The following GRIA1 variants were observed in gnomAD, a reference collection of about 807,000 sequenced individuals.
GRIA1 encodes the protein glutamate receptor 1.
GRIA1 carries 31 observed loss-of-function variants against 99.2 expected under a neutral mutation model. The observed-to-expected ratio is 0.31, with a 90% CI of 0.23 to 0.42. GRIA1 has a LOEUF of 0.42. GRIA1 is among the 10% of genes least tolerant of loss of function. The probability of loss-of-function intolerance (pLI) is 1.00; values close to 1 mark genes in which losing one functional copy is unlikely to be tolerated. For synonymous variants in GRIA1, 438 were observed against 432.4 expected, an observed-to-expected ratio of 1.01 and a Z score of -0.16; for missense variants, 782 against 1,157.5, an observed-to-expected ratio of 0.68 and a Z score of 4.71.
intron 2 of GRIA1, among the ~76,000 whole-genome samples, chr5:153,569,905 G>A (rs1390088019): frequency 1.3e-5 from 2 of 152,178 alleles, no homozygotes; most frequent in Non-Finnish European, 2.9e-5. Flanking sequence ...ACTTTCCCAA[G>A]TTCACAAATG....
At chr5:153,647,309 T>A in intron 3 of GRIA1, 142 bp downstream of exon 3, 1 of 1,034,842 alleles carries the variant, frequency 9.7e-7, no homozygotes, top group Non-Finnish European at 1.4e-6. Flanking sequence ...TCTGACTGAT[T>A]TATCAGTAGC....
chr5:153,614,551 G>A (rs1766298467), intron 2 of GRIA1, among the ~76,000 whole-genome samples: 1 of 152,168 alleles, frequency 6.6e-6, no homozygotes, highest in Admixed American at 6.5e-5. Context: ...CTGGAAAGTG[G>A]CAGAGTTTGT....
At chr5:153,783,484 T>A (rs2926854) in intron 13 of GRIA1, among the ~76,000 whole-genome samples, 94,094 of 152,022 alleles carry the variant, frequency 0.62, 30,129 homozygotes, top group East Asian at 0.94. Context: ...GGCATCACAC[T>A]TGCCTTAGAA....
intron 13 of GRIA1, among the ~76,000 whole-genome samples, chr5:153,788,821 A>G (rs1765131408): frequency 6.6e-6 from 1 of 152,234 alleles, no homozygotes; most frequent in Admixed American, 6.5e-5. Flanking sequence ...ATGGCAAAGT[A>G]TTATGGTTTC....
At chr5:153,535,702 C>G (rs1371972305) in intron 2 of GRIA1, among the ~76,000 whole-genome samples, 1 of 152,198 alleles carries the variant, frequency 6.6e-6, no homozygotes, top group Non-Finnish European at 1.5e-5. Flanking sequence ...ATGTACATAT[C>G]CAAATCCAAG....
At chr5:153,746,424 T>C (rs4616951) in intron 11 of GRIA1, among the ~76,000 whole-genome samples, 61,501 of 152,068 alleles carry the variant, frequency 0.4, 13,749 homozygotes, top group East Asian at 0.94. Flanking sequence ...AAAGCAGAAG[T>C]GCATATTGTT....
At chr5:153,706,821 G>C (rs141664008) in intron 11 of GRIA1, among the ~76,000 whole-genome samples, 1 of 152,192 alleles carries the variant, frequency 6.6e-6, no homozygotes, top group Non-Finnish European at 1.5e-5. Flanking sequence ...CAGGCCAGGC[G>C]TGGTGGCTCA....
intron 2 of GRIA1, among the ~76,000 whole-genome samples, chr5:153,633,857 T>C (rs979939464): frequency 2.0e-5 from 3 of 152,196 alleles, no homozygotes; most frequent in African/African-American, 7.2e-5. Flanking sequence ...GTGCCTCCCA[T>C]GTGCCAGGCA....
intron 2 of GRIA1, among the ~76,000 whole-genome samples, chr5:153,567,544 T>C (rs1231088341): frequency 3.3e-5 from 5 of 152,172 alleles, no homozygotes; most frequent in African/African-American, 1.2e-4. Flanking sequence ...ACCCACTAGG[T>C]ACCATTAGTA....
chr5:153,765,263 T>C (rs1763442036), intron 12 of GRIA1, among the ~76,000 whole-genome samples: 1 of 152,162 alleles, frequency 6.6e-6, no homozygotes. Context: ...CTCCATCCCT[T>C]ACTTGTTCTG....
intron 2 of GRIA1, among the ~76,000 whole-genome samples, chr5:153,576,915 C>T (rs1007203647): frequency 3.3e-5 from 5 of 150,434 alleles, no homozygotes; most frequent in Non-Finnish European, 7.4e-5. Flanking sequence ...GTAGCAGGCT[C>T]TCAATAAATA....
intron 9 of GRIA1, 78 bp from the exon 10 acceptor site, chr5:153,698,789 T>C: frequency 1.1e-6 from 1 of 905,046 alleles, no homozygotes; most frequent in Non-Finnish European, 1.9e-6. Context: ...AAACATGATA[T>C]TATGCTATGC....
intron 11 of GRIA1, among the ~76,000 whole-genome samples, chr5:153,742,884 T>C (rs1761907159): frequency 6.6e-6 from 1 of 152,264 alleles, no homozygotes; most frequent in African/African-American, 2.4e-5. Flanking sequence ...ACCTTAATTC[T>C]GTCTGAATGG....
intron 8 of GRIA1, among the ~76,000 whole-genome samples, chr5:153,692,971 T>A (rs1757863923): frequency 1.3e-5 from 2 of 152,224 alleles, no homozygotes; most frequent in Non-Finnish European, 2.9e-5. Flanking sequence ...CATAAACTTA[T>A]TAACTTCAAA....
chr5:153,694,177 T>C (rs1371074854), intron 8 of GRIA1, among the ~76,000 whole-genome samples: 3 of 152,204 alleles, frequency 2.0e-5, no homozygotes, highest in Non-Finnish European at 4.4e-5. Flanking sequence ...AATTAATAAG[T>C]AGTGCTAGCT....
intron 2 of GRIA1, among the ~76,000 whole-genome samples, chr5:153,504,331 A>T (rs998667773): frequency 4.0e-5 from 6 of 149,268 alleles, no homozygotes; most frequent in Non-Finnish European, 7.4e-5. Context: ...ATATATATAT[A>T]TTTTTGTCTA....
At chr5:153,619,468 GGGCTCTGT>G (rs751241010) in intron 2 of GRIA1, among the ~76,000 whole-genome samples, 4 of 152,130 alleles carry the variant, frequency 2.6e-5, no homozygotes, top group Non-Finnish European at 5.9e-5. Context: ...GGGAGCAGAT[GGGCTCTGT>G]GTCTACTGAG....
intron 2 of GRIA1, among the ~76,000 whole-genome samples, chr5:153,531,651 C>G (rs1360600746): frequency 6.6e-6 from 1 of 152,154 alleles, no homozygotes; most frequent in African/African-American, 2.4e-5. Flanking sequence ...ACTAGAGGTA[C>G]ATAAGCAGAA....
In GRIA1 at chr5:153,681,190, A is replaced by G. The variant is rs560807607; in HGVS notation, c.1029+4029A>G. On this transcript the variant is annotated intron_variant, in intron 7 of 15. Transcript: ENST00000285900. ...GAAGGAGCGTGATAGATAAGGGAGG[A>G]AGTGACAGGCTCTTTTACACAACCA... Among the ~76,000 whole-genome samples, 38 of 152,232 alleles carry G rather than the reference A, an allele frequency of 2.5e-4. 1 individual carries two copies. The South Asian group carries it at 7.9e-3, about 32-fold the overall frequency.
Sources: gnomAD v4.1 joint callset for allele counts (sites outside exome capture counted in the v4.1 genomes callset) on GRCh38, gnomAD v4.1.1 for gene constraint, MANE v1.5 for transcripts, NCBI Gene and HGNC (gene_info 2026-07-23, HGNC 2026-07-21) for gene names.